TUSC7: variants seen among roughly 807,000 people sequenced by gnomAD.
The protein encoded by TUSC7 is tumor suppressor candidate 7, also known as LSAMP antisense RNA 3.
intron 1 of TUSC7, chr3:116,712,830 A>G (rs1369177150): frequency 6.6e-6 from 1 of 152,162 alleles, no homozygotes; most frequent in East Asian, 1.9e-4. Flanking sequence ...TTAGGTTACA[A>G]TCAGTGTTGA....
chr3:116,715,032 TG>T (rs2051494243), intron 1 of TUSC7, among the ~76,000 whole-genome samples: 1 of 152,226 alleles, frequency 6.6e-6, no homozygotes, highest in African/African-American at 2.4e-5. Flanking sequence ...ATCTTTTCAC[TG>T]TTTCCATAGT....
intron 1 of TUSC7, chr3:116,712,519 G>T (rs1193953976): frequency 6.6e-6 from 1 of 152,146 alleles, no homozygotes; most frequent in Non-Finnish European, 1.5e-5. Flanking sequence ...TAAGAAAAAT[G>T]ATTAAAGAGA....
chr3:116,711,416 C>T (rs1269632006), intron 1 of TUSC7, among the ~76,000 whole-genome samples: 1 of 152,142 alleles, frequency 6.6e-6, no homozygotes, highest in Non-Finnish European at 1.5e-5. Flanking sequence ...ATTGTGATTT[C>T]TCCTTTCAGG....
chr3:116,716,805 C>A (rs1133335), intron 1 of TUSC7: 27,616 of 152,088 alleles, frequency 0.18, 3,011 homozygotes, highest in South Asian at 0.4. Context: ...TGCCAGTGTT[C>A]GCCTTATGTT....
chr3:116,710,440 C>T (rs1013083513), intron 1 of TUSC7: 11 of 152,052 alleles, frequency 7.2e-5, no homozygotes, highest in African/African-American at 2.4e-4. Flanking sequence ...CCTTTCTTAT[C>T]CCAAATATAT....
chr3:116,715,664 C>T (rs560708166), intron 1 of TUSC7, among the ~76,000 whole-genome samples: 10 of 152,088 alleles, frequency 6.6e-5, no homozygotes, highest in East Asian at 1.9e-4. Context: ...ATTTTTAAAT[C>T]GGGTTTGTTT....
At chr3:116,714,004 A>G (rs2107472250) in intron 1 of TUSC7, 2 of 152,220 alleles carry the variant, frequency 1.3e-5, no homozygotes, top group South Asian at 4.1e-4. Flanking sequence ...AAGCTAGACT[A>G]TATTCTATGT....
chr3:116,712,826 T>A (rs2051473585), intron 1 of TUSC7: 2 of 152,130 alleles, frequency 1.3e-5, no homozygotes, highest in Non-Finnish European at 2.9e-5. Flanking sequence ...GCTTTTAGGT[T>A]ACAATCAGTG....
intron 1 of TUSC7, among the ~76,000 whole-genome samples, chr3:116,711,363 T>G (rs1215908929): frequency 6.6e-6 from 1 of 152,208 alleles, no homozygotes; most frequent in Non-Finnish European, 1.5e-5. Context: ...GTCAGCACTT[T>G]ATTGACCAGG....
At chr3:116,713,758 G>A (rs998312412) in intron 1 of TUSC7, among the ~76,000 whole-genome samples, 6 of 152,152 alleles carry the variant, frequency 3.9e-5, no homozygotes, top group Non-Finnish European at 7.3e-5. Context: ...CTGAGGTCAG[G>A]AGTTCGAGAC....
chr3:116,709,998 G>A (rs1446486808), intron 1 of TUSC7: 1 of 152,138 alleles, frequency 6.6e-6, no homozygotes, highest in East Asian at 1.9e-4. Context: ...AGAGATCAAG[G>A]AAGAAAAGAG....
At chr3:116,715,769 T>C (rs1466813471) in intron 1 of TUSC7, among the ~76,000 whole-genome samples, 1 of 152,204 alleles carries the variant, frequency 6.6e-6, no homozygotes, top group Non-Finnish European at 1.5e-5. Context: ...AGTCTGTGCC[T>C]TATGTTCTTA....
chr3:116,712,555 A>G (rs1239054119), intron 1 of TUSC7: 1 of 152,200 alleles, frequency 6.6e-6, no homozygotes, highest in African/African-American at 2.4e-5. Context: ...ATGAGGAAAG[A>G]TGAAAAGGAC....
At chr3:116,713,731 C>T (rs1274106159) in intron 1 of TUSC7, among the ~76,000 whole-genome samples, 3 of 152,098 alleles carry the variant, frequency 2.0e-5, no homozygotes, top group South Asian at 2.1e-4. Flanking sequence ...TTTGGGAGGC[C>T]GAGGTGGTCT....
chr3:116,712,404 G>T (rs2051469405), intron 1 of TUSC7: 2 of 152,126 alleles, frequency 1.3e-5, no homozygotes, highest in Admixed American at 1.3e-4. Flanking sequence ...CATCCCATCT[G>T]GCTGAGAAGT....
chr3:116,712,923 G>A (rs1166819389), intron 1 of TUSC7: 1 of 152,036 alleles, frequency 6.6e-6, no homozygotes, highest in East Asian at 1.9e-4. Context: ...GTCTTTTTCA[G>A]CTTACCAAGT....
intron 1 of TUSC7, chr3:116,709,932 T>C (rs2051449655): frequency 6.6e-6 from 1 of 151,998 alleles, no homozygotes; most frequent in African/African-American, 2.4e-5. Flanking sequence ...TCCTAAAATG[T>C]AGGTAGAGAT....
chr3:116,711,089 A>G (rs528556378), intron 1 of TUSC7, among the ~76,000 whole-genome samples: 7 of 152,180 alleles, frequency 4.6e-5, no homozygotes, highest in Non-Finnish European at 8.8e-5. Context: ...TAAAGGTATC[A>G]AGGGGAAGAT....
chr3:116,712,090 TA>T, intron 1 of TUSC7, among the ~76,000 whole-genome samples: 1 of 152,308 alleles, frequency 6.6e-6, no homozygotes, highest in South Asian at 2.1e-4. Context: ...ATAAAATAAC[TA>T]AAAGCATTTT....
Sources: gnomAD v4.1 joint callset for allele counts (sites outside exome capture counted in the v4.1 genomes callset) on GRCh38, gnomAD v4.1.1 for gene constraint, MANE v1.5 for transcripts, NCBI Gene and HGNC (gene_info 2026-07-23, HGNC 2026-07-21) for gene names.